The following RAMP1 variants were observed in gnomAD, a reference collection of about 807,000 sequenced individuals.
The protein encoded by RAMP1 is receptor activity modifying protein 1, also known as receptor activity-modifying protein 1.
In RAMP1, 7 loss-of-function variants were observed where a neutral mutation model predicts 8.2. That is an observed-to-expected ratio of 0.85 (90% CI 0.49 to 1.60). The LOEUF is 1.60. Among genes scored for constraint, RAMP1 ranks in the 40% most tolerant of loss-of-function variants. The pLI is 0.00. For synonymous variants in RAMP1, 92 were observed against 84.7 expected, an observed-to-expected ratio of 1.09 and a Z score of -0.47; for missense variants, 192 against 202.4, an observed-to-expected ratio of 0.95 and a Z score of 0.31.
intron 2 of RAMP1, among the ~76,000 whole-genome samples, chr2:237,903,230 A>G (rs1472227257): frequency 6.6e-6 from 1 of 152,184 alleles, no homozygotes; most frequent in East Asian, 1.9e-4. Flanking sequence ...CAGCTACATA[A>G]TGGAGCCACT....
At chr2:237,864,954 G>T (rs67920373) in intron 1 of RAMP1, among the ~76,000 whole-genome samples, 11,878 of 152,218 alleles carry the variant, frequency 0.078, 1,225 homozygotes, top group African/African-American at 0.24. Context: ...AGCCGAAGCT[G>T]GTGCTGGAGG....
intron 2 of RAMP1, among the ~76,000 whole-genome samples, chr2:237,883,388 G>A (rs532563365): frequency 2.0e-3 from 304 of 152,328 alleles, no homozygotes; most frequent in Non-Finnish European, 3.4e-3. Flanking sequence ...GAGTAAGTGG[G>A]GGCTGAGACA....
chr2:237,895,081 CCCT>C (rs1286055006), intron 2 of RAMP1, among the ~76,000 whole-genome samples: 3 of 152,300 alleles, frequency 2.0e-5, no homozygotes, highest in South Asian at 2.1e-4. Context: ...ACCTCCCCCT[CCCT>C]CCTGGAGCCA....
intron 2 of RAMP1, among the ~76,000 whole-genome samples, chr2:237,899,257 G>A (rs939055381): frequency 6.6e-6 from 1 of 152,166 alleles, no homozygotes; most frequent in Admixed American, 6.5e-5. Flanking sequence ...TTTTAGTAGA[G>A]ATGGGGTTTC....
intron 1 of RAMP1, among the ~76,000 whole-genome samples, chr2:237,867,709 A>G (rs1320685829): frequency 2.6e-5 from 4 of 152,164 alleles, no homozygotes; most frequent in Non-Finnish European, 5.9e-5. Context: ...GCGTTTCCTC[A>G]TTCCTGTGCA....
chr2:237,859,775 C>G, intron 1 of RAMP1, 48 bp downstream of exon 1: 2 of 1,225,372 alleles, frequency 1.6e-6, no homozygotes, highest in Admixed American at 2.5e-5. Context: ...CCTGGCCAGC[C>G]GGTGTCCTCT....
At chr2:237,860,503 G>A (rs1216740760) in intron 1 of RAMP1, among the ~76,000 whole-genome samples, 1 of 152,172 alleles carries the variant, frequency 6.6e-6, no homozygotes, top group Non-Finnish European at 1.5e-5. Flanking sequence ...GCAAGAAACG[G>A]TGCTGTTCAC....
intron 2 of RAMP1, among the ~76,000 whole-genome samples, chr2:237,880,379 C>T (rs78955035): frequency 0.026 from 3,892 of 152,296 alleles, 179 homozygotes; most frequent in Admixed American, 0.12. Flanking sequence ...TCTGGTACCA[C>T]GAGATGTTCC....
intron 2 of RAMP1, among the ~76,000 whole-genome samples, chr2:237,911,193 A>G (rs2062708927): frequency 6.6e-6 from 1 of 152,140 alleles, no homozygotes; most frequent in Non-Finnish European, 1.5e-5. Context: ...AGGGTGGCAG[A>G]AGGAGCTGGT....
intron 2 of RAMP1, among the ~76,000 whole-genome samples, chr2:237,904,967 A>T (rs2062638526): frequency 6.6e-6 from 1 of 152,068 alleles, no homozygotes; most frequent in Non-Finnish European, 1.5e-5. Context: ...TAGATGACTC[A>T]CCTGTGAGCA....
intron 1 of RAMP1, among the ~76,000 whole-genome samples, chr2:237,866,221 C>T (rs1214285539): frequency 2.0e-5 from 3 of 151,974 alleles, no homozygotes; most frequent in Admixed American, 6.6e-5. Context: ...TCTAGGAATC[C>T]GGTGCTCTGT....
At chr2:237,900,260 C>T (rs914020057) in intron 2 of RAMP1, among the ~76,000 whole-genome samples, 4 of 152,116 alleles carry the variant, frequency 2.6e-5, no homozygotes, top group African/African-American at 9.7e-5. Context: ...CCTGGGTTCA[C>T]GGCATTCTCG....
At chr2:237,897,980 G>A (rs2151019165) in intron 2 of RAMP1, among the ~76,000 whole-genome samples, 1 of 152,198 alleles carries the variant, frequency 6.6e-6, no homozygotes, top group South Asian at 2.1e-4. Context: ...TGTATTTTTA[G>A]TAGAGACTGG....
intron 1 of RAMP1, among the ~76,000 whole-genome samples, chr2:237,876,178 C>T (rs2062301304): frequency 6.6e-6 from 1 of 152,242 alleles, no homozygotes; most frequent in Non-Finnish European, 1.5e-5. Context: ...CTCACACCCA[C>T]CCCAGGCCAC....
In RAMP1 at chr2:237,877,240, G is replaced by T; in HGVS notation, c.69G>T (p.Met23Ile). 6.2e-7 allele frequency: 1 copy of T among 1,613,948 alleles called. No homozygotes were observed. The highest frequency in any genetic ancestry group is 1.1e-5 in the South Asian group (1 of 91,046). ...LWLLLAHHLF[M>I]TTACQEANYG... ...CTATTTCAGCCCATCACCTCTTCAT[G>T]ACCACTGCCTGCCAGGAGGCTAACT... is the stretch of plus-strand genomic sequence containing the variant. Residue 23 changes from methionine to isoleucine, a missense_variant, in exon 2 of 3, where the codon ATG (methionine) becomes ATT (isoleucine). Met to Ile is a conservative substitution (Grantham distance 10). Coordinates refer to ENST00000254661, the MANE Select transcript of RAMP1 (RefSeq NM_005855.4). This position sits in a 1 kb window ranked among gnomAD's most constrained non-coding sequence, Gnocchi z 4.4.
At chr2:237,904,868 A>G (rs2062637868) in intron 2 of RAMP1, among the ~76,000 whole-genome samples, 1 of 152,198 alleles carries the variant, frequency 6.6e-6, no homozygotes, top group African/African-American at 2.4e-5. Context: ...ACCCAGGTCT[A>G]TGGGTGACAG....
At chr2:237,883,912 C>CTTTTTTT (rs34291315) in intron 2 of RAMP1, among the ~76,000 whole-genome samples, 7 of 93,008 alleles carry the variant, frequency 7.5e-5, no homozygotes, top group East Asian at 6.5e-4. Flanking sequence ...TGTAGGTCCA[C>CTTTTTTT]TTTTTTTTTT....
At chr2:237,861,063 G>C (rs2062128810) in intron 1 of RAMP1, among the ~76,000 whole-genome samples, 1 of 152,150 alleles carries the variant, frequency 6.6e-6, no homozygotes, top group Admixed American at 6.5e-5. Flanking sequence ...ACATTTCTTT[G>C]TTAGCAAGGC....
chr2:237,895,043 C>T (rs2062525282), intron 2 of RAMP1, among the ~76,000 whole-genome samples: 1 of 152,158 alleles, frequency 6.6e-6, no homozygotes, highest in Non-Finnish European at 1.5e-5. Context: ...GCCAATGGTG[C>T]CAGCCACCAA....
Sources: allele counts gnomAD v4.1 joint callset (sites outside exome capture counted in the v4.1 genomes callset), GRCh38; gene constraint gnomAD v4.1.1; non-coding constraint Gnocchi (gnomAD v3.1); transcripts MANE v1.5; gene names NCBI Gene and HGNC (gene_info 2026-07-23, HGNC 2026-07-21).